ADD3: variants seen among roughly 807,000 people sequenced by gnomAD.
The protein encoded by ADD3 is adducin 3.
A neutral mutation model predicts 80.2 loss-of-function variants in ADD3; 25 were observed. That is an observed-to-expected ratio of 0.31 (90% CI 0.23 to 0.44). ADD3 has a LOEUF of 0.44. Ranked by LOEUF, ADD3 falls within the 20% of genes least tolerant of loss-of-function variation. The pLI, the probability that ADD3 is intolerant of heterozygous loss-of-function variation, is 1.00. For missense variants in ADD3, 829 were observed against 847.5 expected (o/e 0.98, Z 0.27); for synonymous variants, 284 against 289.6 (o/e 0.98, Z 0.20).
intron 2 of ADD3, chr10:110,112,126 CT>C (rs1248306198): frequency 7.2e-4 from 104 of 145,406 alleles, no homozygotes; most frequent in Middle Eastern, 3.5e-3. Flanking sequence ...GGAACTCTGT[CT>C]TTTTTTTTTT....
chr10:110,058,061 A>C (rs764753529), intron 1 of ADD3, among the ~76,000 whole-genome samples: 19 of 152,138 alleles, frequency 1.2e-4, no homozygotes, highest in Non-Finnish European at 2.1e-4. Flanking sequence ...AACTCTTACC[A>C]TGAAATATTT....
chr10:110,091,338 G>T (rs1044548392), intron 1 of ADD3, among the ~76,000 whole-genome samples: 2 of 152,148 alleles, frequency 1.3e-5, no homozygotes, highest in African/African-American at 4.8e-5. Flanking sequence ...TTTGTGAGAA[G>T]AACCTTTGGT....
chr10:110,066,418 G>T (rs1439028791), intron 1 of ADD3, among the ~76,000 whole-genome samples: 1 of 152,066 alleles, frequency 6.6e-6, no homozygotes, highest in Non-Finnish European at 1.5e-5. Context: ...TGTATTTTTA[G>T]TAGAGACAGT....
chr10:110,075,092 G>GACTA, intron 1 of ADD3, among the ~76,000 whole-genome samples: 1 of 152,214 alleles, frequency 6.6e-6, no homozygotes, highest in African/African-American at 2.4e-5. Context: ...TTTTTAAAGG[G>GACTA]ACTAACTACA....
At chr10:110,002,209 T>G (rs1267956829), upstream of ADD3, among the ~76,000 whole-genome samples, 1 of 151,850 alleles carries the variant, frequency 6.6e-6, no homozygotes, top group East Asian at 2.0e-4. Context: ...GGAGAAACGC[T>G]TGAACCCAGG....
intron 1 of ADD3, among the ~76,000 whole-genome samples, chr10:110,060,369 G>C (rs1858732941): frequency 6.6e-6 from 1 of 152,156 alleles, no homozygotes; most frequent in South Asian, 2.1e-4. Flanking sequence ...TAAATATGGA[G>C]TGTGTGTGCT....
At chr10:110,119,436 C>T (rs762701623) in intron 7 of ADD3, 30 bp from the exon 8 acceptor site, 2 of 1,613,348 alleles carry the variant, frequency 1.2e-6, no homozygotes, top group South Asian at 1.1e-5. Context: ...CCAGTTATTT[C>T]AAGTGATTGC....
intron 1 of ADD3, among the ~76,000 whole-genome samples, chr10:110,085,536 G>C (rs1846618563): frequency 6.6e-6 from 1 of 152,102 alleles, no homozygotes; most frequent in Non-Finnish European, 1.5e-5. Context: ...GGGAATTTTT[G>C]GCAAAGGGTG....
intron 13 of ADD3, among the ~76,000 whole-genome samples, chr10:110,131,004 T>TA (rs1852908266): frequency 6.6e-6 from 1 of 152,222 alleles, no homozygotes; most frequent in Admixed American, 6.5e-5. Context: ...ATTTCATAAT[T>TA]ATGTGGCTTT....
intron 1 of ADD3, among the ~76,000 whole-genome samples, chr10:110,022,928 G>A (rs766349852): frequency 2.0e-5 from 3 of 152,142 alleles, no homozygotes; most frequent in Non-Finnish European, 4.4e-5. Context: ...TATGGGAGAG[G>A]AAGTAGGAAT....
intron 1 of ADD3, among the ~76,000 whole-genome samples, chr10:110,015,615 C>A (rs973714704): frequency 6.7e-6 from 1 of 149,846 alleles, no homozygotes; most frequent in Non-Finnish European, 1.5e-5. Flanking sequence ...ACCTCGTGAT[C>A]CGTCCGCCTC....
chr10:110,076,188 T>C (rs1325737360), intron 1 of ADD3, among the ~76,000 whole-genome samples: 2 of 152,236 alleles, frequency 1.3e-5, no homozygotes, highest in Non-Finnish European at 2.9e-5. Flanking sequence ...TAACTCTTGG[T>C]TGTGTTTCTG....
upstream of ADD3, among the ~76,000 whole-genome samples, chr10:110,003,300 A>AGGGGGTGTGTGT (rs1554893816): frequency 7.0e-6 from 1 of 142,126 alleles, no homozygotes; most frequent in African/African-American, 2.8e-5. Context: ...GGGAACAGTA[A>AGGGGGTGTGTGT]GGGTGTGTGT....
At chr10:110,049,202 G>A (rs569421777) in intron 1 of ADD3, among the ~76,000 whole-genome samples, 1 of 152,246 alleles carries the variant, frequency 6.6e-6, no homozygotes, top group Admixed American at 6.5e-5. Context: ...CCTCCACTTA[G>A]ATTTCCGAGG....
At chr10:110,016,592 C>A (rs1325671311) in intron 1 of ADD3, 1 of 152,204 alleles carries the variant, frequency 6.6e-6, no homozygotes, top group African/African-American at 2.4e-5. Flanking sequence ...GGCTTAGAAT[C>A]AGCAAACAAA....
At chr10:110,021,573 AC>A (rs1853679507) in intron 1 of ADD3, among the ~76,000 whole-genome samples, 1 of 152,238 alleles carries the variant, frequency 6.6e-6, no homozygotes, top group Admixed American at 6.5e-5. Flanking sequence ...TTATAAATGA[AC>A]CTTGAAAACA....
intron 1 of ADD3, among the ~76,000 whole-genome samples, chr10:110,098,154 A>C (rs1848394893): frequency 6.6e-6 from 1 of 152,204 alleles, no homozygotes; most frequent in Non-Finnish European, 1.5e-5. Flanking sequence ...AATTTAAGGC[A>C]GTCAATTGAT....
intron 1 of ADD3, among the ~76,000 whole-genome samples, chr10:110,009,530 G>C (rs767014362): frequency 6.6e-6 from 1 of 152,084 alleles, no homozygotes; most frequent in Non-Finnish European, 1.5e-5. Context: ...CCCATTTATA[G>C]GGTTAAGTTA....
chr10:110,129,257 C>T (rs1157516863), intron 12 of ADD3, among the ~76,000 whole-genome samples: 2 of 151,576 alleles, frequency 1.3e-5, no homozygotes, highest in African/African-American at 4.8e-5. Flanking sequence ...TCAAGCCATT[C>T]TCCTGCCTCA....
Sources: allele counts gnomAD v4.1 joint callset (sites outside exome capture counted in the v4.1 genomes callset), GRCh38; gene constraint gnomAD v4.1.1; transcripts MANE v1.5; gene names NCBI Gene and HGNC (gene_info 2026-07-23, HGNC 2026-07-21).